The following RAVER2 variants were observed in gnomAD, a reference collection of about 807,000 sequenced individuals.
RAVER2 encodes the protein ribonucleoprotein PTB-binding 2.
Under a neutral mutation model 78.1 loss-of-function variants are expected in RAVER2, and 46 were observed. The ratio of observed to expected loss-of-function variants is 0.59; its 90% CI spans 0.46 to 0.75. The LOEUF (loss-of-function observed/expected upper bound fraction) is 0.75, where lower values mean the gene tolerates loss of function less well. Ranked by LOEUF, RAVER2 falls within the 30% of genes least tolerant of loss-of-function variation. The pLI is 0.00. For synonymous variants in RAVER2, 311 were observed against 313.3 expected (o/e 0.99, Z 0.08); for missense variants, 793 against 837.5 (o/e 0.95, Z 0.66).
At chr1:64,800,989 T>C (rs1653246283) in intron 5 of RAVER2, among the ~76,000 whole-genome samples, 1 of 151,768 alleles carries the variant, frequency 6.6e-6, no homozygotes, top group South Asian at 2.1e-4. Context: ...ATTTTACCTT[T>C]CATAGTACAG....
intron 4 of RAVER2, among the ~76,000 whole-genome samples, chr1:64,786,282 A>G (rs754851752): frequency 3.5e-4 from 53 of 152,314 alleles, no homozygotes; most frequent in Non-Finnish European, 4.3e-4. Flanking sequence ...TTTAGAAATC[A>G]TATTTGGAAG....
At chr1:64,755,492 C>A (rs563533469) in intron 1 of RAVER2, among the ~76,000 whole-genome samples, 77 of 152,176 alleles carry the variant, frequency 5.1e-4, no homozygotes, top group African/African-American at 1.9e-3. Context: ...TACATGCTTT[C>A]ATTGTCTCTC....
At chr1:64,820,807 T>C (rs181839131) in intron 11 of RAVER2, among the ~76,000 whole-genome samples, 257 of 152,368 alleles carry the variant, frequency 1.7e-3, no homozygotes, top group Non-Finnish European at 3.0e-3. Flanking sequence ...AGTCTGTCAT[T>C]GATGGGCATT....
chr1:64,797,630 G>A (rs2100863600), intron 5 of RAVER2, among the ~76,000 whole-genome samples: 1 of 152,120 alleles, frequency 6.6e-6, no homozygotes, highest in Non-Finnish European at 1.5e-5. Flanking sequence ...TAAGATTGTT[G>A]CATCCTCTTG....
chr1:64,809,818 G>A (rs1007584080), intron 9 of RAVER2, among the ~76,000 whole-genome samples: 2 of 152,060 alleles, frequency 1.3e-5, no homozygotes, highest in Admixed American at 6.6e-5. Flanking sequence ...TTATGAATTT[G>A]ACTATTCTAG....
chr1:64,809,821 T>C lies in RAVER2; in HGVS notation c.1680+2347T>C, dbSNP rs181757652. 1.2e-4 allele frequency among the ~76,000 whole-genome samples: 18 copies of C among 152,344 alleles called. No individual in the cohort carries two copies. In the East Asian group the frequency reaches 3.5e-3, roughly 29 times the overall value. On this transcript the variant is annotated intron_variant, in intron 9 of 11. Coordinates refer to ENST00000294428, the Ensembl canonical transcript of RAVER2. ...CTACTTTTGTCTTTATGAATTTGAC[T>C]ATTCTAGGTACCTAGGTGACACAAT... is the stretch of plus-strand genomic sequence containing the variant.
intron 2 of RAVER2, among the ~76,000 whole-genome samples, chr1:64,769,009 A>G (rs1034434844): frequency 1.2e-4 from 18 of 151,986 alleles, no homozygotes; most frequent in Admixed American, 3.3e-4. Flanking sequence ...TTTTAATTGT[A>G]TGTTACTGGA....
At chr1:64,827,680 C>T (rs545328708) in intron 11 of RAVER2, among the ~76,000 whole-genome samples, 1 of 152,320 alleles carries the variant, frequency 6.6e-6, no homozygotes, top group African/African-American at 2.4e-5. Flanking sequence ...AAATATACCA[C>T]TTTGTTCTGT....
At chr1:64,763,917 T>TACAC (rs58298918) in intron 1 of RAVER2, among the ~76,000 whole-genome samples, 31,793 of 133,562 alleles carry the variant, frequency 0.24, 3,660 homozygotes, top group Non-Finnish European at 0.26. Flanking sequence ...AAAACAAAAA[T>TACAC]ACACACACAC....
rs373988652 is a variant in RAVER2, at chr1:64,777,661, G to T, written c.355G>T (p.Ala119Ser). The change falls in exon 3 of 12, where the codon GCA becomes TCA. Residue 119 changes from alanine to serine, a missense_variant. By Grantham distance (99) the Ala-to-Ser change is moderately conservative. Transcript: ENST00000294428. ...ATTGAATGGGGAACAAGCCCAGAAC[G>T]CAATTCAGATGTTTCATCAATATTC... The T allele has an allele frequency of 6.8e-6, 11 of 1,613,566 alleles. No homozygotes were observed. Among genetic ancestry groups the T allele is most frequent in the Middle Eastern group, 1.7e-4 (1 of 6,058 alleles).
chr1:64,769,030 A>G (rs1354499373), intron 2 of RAVER2, among the ~76,000 whole-genome samples: 1 of 152,056 alleles, frequency 6.6e-6, no homozygotes, highest in African/African-American at 2.4e-5. Flanking sequence ...CTTAGTGAAT[A>G]GACTGTATGA....
chr1:64,778,009 A>G, exon 3 of RAVER2: 4 of 1,614,100 alleles, frequency 2.5e-6, no homozygotes, highest in Non-Finnish European at 3.4e-6. Flanking sequence ...GTGCCTTTGT[A>G]TTGATAAACT....
chr1:64,756,495 G>C lies in RAVER2; in HGVS notation c.249+11074G>C, dbSNP rs374335103. ...ATTTGGAGAGTGGGAGCTTCAAATT[G>C]GCCCCTGTGTCTTCTTATTGAATAA... On this transcript the variant is annotated intron_variant, in intron 1 of 11. Coordinates refer to ENST00000294428, the Ensembl canonical transcript of RAVER2. Among the ~76,000 whole-genome samples the C allele has an allele frequency of 1.1e-4, 17 of 152,142 alleles. 5 individuals are homozygous for C.
intron 6 of RAVER2, among the ~76,000 whole-genome samples, chr1:64,803,456 T>C (rs1446916041): frequency 1.3e-5 from 2 of 152,166 alleles, no homozygotes; most frequent in African/African-American, 4.8e-5. Context: ...AAAAAATAAC[T>C]CATGTATATG....
At chr1:64,786,333 A>T (rs1320849360) in intron 4 of RAVER2, among the ~76,000 whole-genome samples, 1 of 152,182 alleles carries the variant, frequency 6.6e-6, no homozygotes, top group Non-Finnish European at 1.5e-5. Context: ...ATTGTTCTTT[A>T]ATAATGGGAA....
chr1:64,762,172 A>G (rs918954252), intron 1 of RAVER2, among the ~76,000 whole-genome samples: 2 of 152,240 alleles, frequency 1.3e-5, no homozygotes, highest in African/African-American at 4.8e-5. Flanking sequence ...TAGACTTCAA[A>G]TAACATCAAA....
At chr1:64,805,325 CTTTAATATT>C (rs1320080881) in intron 8 of RAVER2, among the ~76,000 whole-genome samples, 1 of 152,158 alleles carries the variant, frequency 6.6e-6, no homozygotes, top group Non-Finnish European at 1.5e-5. Flanking sequence ...ATTGGATATG[CTTTAATATT>C]TTATGCAGGT....
chr1:64,802,579 C>CAA (rs970217293), intron 5 of RAVER2, among the ~76,000 whole-genome samples: 14 of 152,070 alleles, frequency 9.2e-5, no homozygotes, highest in African/African-American at 3.4e-4. Context: ...GTAAGCTTTT[C>CAA]AAGGACAAGG....
At chr1:64,802,432 A>C (rs1242731433) in intron 5 of RAVER2, among the ~76,000 whole-genome samples, 2 of 152,152 alleles carry the variant, frequency 1.3e-5, no homozygotes, top group Non-Finnish European at 2.9e-5. Context: ...GTACTCTGGT[A>C]TTTAGACTCT....
Sources: allele counts gnomAD v4.1 joint callset (sites outside exome capture counted in the v4.1 genomes callset), GRCh38; gene constraint gnomAD v4.1.1; transcripts MANE v1.5; gene names NCBI Gene and HGNC (gene_info 2026-07-23, HGNC 2026-07-21).